The following DENND1B variants were observed in gnomAD, a reference collection of about 807,000 sequenced individuals.
DENND1B encodes DENN domain-containing protein 1B.
A neutral mutation model predicts 90.1 loss-of-function variants in DENND1B; 59 were observed. The ratio of observed to expected loss-of-function variants is 0.65; its 90% confidence interval spans 0.53 to 0.81. DENND1B has a LOEUF of 0.81. Among genes scored for constraint, DENND1B ranks in the 40% least tolerant of loss-of-function variants. The pLI is 0.00. For missense variants in DENND1B, 862 were observed against 912.6 expected (o/e 0.94, Z 0.71); for synonymous variants, 337 against 324.6 (o/e 1.04, Z -0.41).
rs768369179 is a variant in DENND1B, at chr1:197,512,883, T to C, written c.1586A>G (p.Glu529Gly). 1 of 1,610,278 alleles carries C rather than the reference T, an allele frequency of 6.2e-7. No homozygotes were observed. The highest frequency in any genetic ancestry group is 8.5e-7 in the Non-Finnish European group (1 of 1,177,918). The stretch of plus-strand genomic sequence containing the variant: ...ATCCATTACTTACTTGCTTGCTCTT[T>C]CAATGTCATCATCATCTTCATCATC... ...LYDDEDDDDI[E>G]RASKLSSEDG... The change falls in exon 21 of 23, where the codon GAA becomes GGA. Residue 529 changes from glutamate (E) to glycine (G), a missense_variant. Coordinates refer to ENST00000620048, the MANE Select transcript of DENND1B (RefSeq NM_001195215.2).
chr1:197,558,397 C>T (rs1053707352), intron 15 of DENND1B, among the ~76,000 whole-genome samples: 1 of 151,624 alleles, frequency 6.6e-6, no homozygotes, highest in Non-Finnish European at 1.5e-5. Flanking sequence ...CCCTCTAAAT[C>T]ATCAACAATT....
rs554285240 is a variant in DENND1B, at chr1:197,514,632, T to C, written c.1516-1679A>G. On this transcript the variant is annotated intron_variant, in intron 20 of 22. Transcript: ENST00000620048. ...TGAAATAAGATTGGCCATGAGTTGA[T>C]AATTGGTGAAGGCTACATAAATGGT... Among the ~76,000 whole-genome samples, 11 of 151,736 alleles carry C rather than the reference T, an allele frequency of 7.2e-5. No individual in the cohort carries two copies. In the East Asian group the frequency reaches 1.6e-3, roughly 22 times the overall value.
At chr1:197,615,329 A>G (rs1677548742) in intron 11 of DENND1B, among the ~76,000 whole-genome samples, 1 of 151,112 alleles carries the variant, frequency 6.6e-6, no homozygotes, top group Non-Finnish European at 1.5e-5. Flanking sequence ...TGGTGGACCA[A>G]GATGCGATAT....
At chr1:197,746,530 A>G (rs1459128222) in intron 2 of DENND1B, among the ~76,000 whole-genome samples, 2 of 152,206 alleles carry the variant, frequency 1.3e-5, no homozygotes, top group Non-Finnish European at 1.5e-5. Context: ...ATTTTTTCTT[A>G]CATTTCTTAT....
At chr1:197,602,262 C>T (rs866434308) in intron 13 of DENND1B, among the ~76,000 whole-genome samples, 83 of 151,464 alleles carry the variant, frequency 5.5e-4, no homozygotes, top group African/African-American at 1.9e-3. Context: ...TATTTCCTTT[C>T]AGCAATCACT....
chr1:197,568,004 G>GGGAAGGAA (rs539486255), intron 15 of DENND1B, among the ~76,000 whole-genome samples: 2 of 150,756 alleles, frequency 1.3e-5, no homozygotes, highest in African/African-American at 2.4e-5. Flanking sequence ...AGGGGAGGGA[G>GGGAAGGAA]GGAAGGAAGG....
intron 3 of DENND1B, among the ~76,000 whole-genome samples, chr1:197,685,337 G>C (rs1430850985): frequency 6.6e-6 from 1 of 152,156 alleles, no homozygotes; most frequent in African/African-American, 2.4e-5. Flanking sequence ...CTGGTGGTCA[G>C]ATAAAGACAA....
chr1:197,601,537 T>C (rs1047901430), intron 13 of DENND1B, among the ~76,000 whole-genome samples: 1 of 148,204 alleles, frequency 6.7e-6, no homozygotes. Flanking sequence ...AAAAAAAAAA[T>C]ATCTGCAGTA....
Position 197,607,136 on chromosome 1 carries a change from T to A in DENND1B, c.858A>T (p.Leu286Phe). 2.5e-6 allele frequency: 4 copies of A among 1,602,428 alleles called. No homozygotes were observed. Among genetic ancestry groups the A allele is most frequent in the Non-Finnish European group, 3.4e-6 (4 of 1,173,852 alleles). ...ATTCTAATGTGTTTGTATCAACATT[T>A]AACATAACAACATCTTCCAATGATT... ...KNKSLEDVVM[L>F]NVDTNTLESP... The change falls in exon 13 of 23, where the codon TTA becomes TTT. Residue 286 changes from leucine to phenylalanine, a missense_variant. Physicochemically the swap from Leu to Phe is conservative, Grantham distance 22. Coordinates refer to ENST00000620048, the MANE Select transcript of DENND1B (RefSeq NM_001195215.2).
At chr1:197,568,576 A>G (rs1377320213) in intron 15 of DENND1B, among the ~76,000 whole-genome samples, 1 of 152,200 alleles carries the variant, frequency 6.6e-6, no homozygotes, top group African/African-American at 2.4e-5. Flanking sequence ...AGCTGGAGAC[A>G]TCACATTATC....
chr1:197,645,027 T>C (rs1359097122), intron 9 of DENND1B, among the ~76,000 whole-genome samples: 1 of 152,152 alleles, frequency 6.6e-6, no homozygotes, highest in Admixed American at 6.5e-5. Context: ...TATTTGTTAC[T>C]TCTACTTGTC....
chr1:197,651,077 AAAGAT>A (rs1266978663), intron 7 of DENND1B, among the ~76,000 whole-genome samples: 20 of 152,120 alleles, frequency 1.3e-4, no homozygotes, highest in African/African-American at 4.8e-4. Flanking sequence ...AAAATACAAT[AAAGAT>A]AACAACTTCC....
At chr1:197,544,024 A>G (rs1670533633) in intron 18 of DENND1B, among the ~76,000 whole-genome samples, 1 of 152,150 alleles carries the variant, frequency 6.6e-6, no homozygotes. Flanking sequence ...GACCTATTGA[A>G]TTTTAAAAAA....
chr1:197,726,833 T>A (rs1474166418), intron 2 of DENND1B, among the ~76,000 whole-genome samples: 1 of 152,180 alleles, frequency 6.6e-6, no homozygotes. Flanking sequence ...GTTAGAGAAA[T>A]CTAAGGACTT....
intron 6 of DENND1B, among the ~76,000 whole-genome samples, chr1:197,656,826 T>A (rs1268639531): frequency 6.7e-6 from 1 of 150,232 alleles, no homozygotes; most frequent in African/African-American, 2.5e-5. Flanking sequence ...AAAAAAAAAA[T>A]CAAAGATTAA....
intron 15 of DENND1B, among the ~76,000 whole-genome samples, chr1:197,576,654 G>A (rs974744334): frequency 2.0e-5 from 3 of 152,146 alleles, no homozygotes; most frequent in Admixed American, 6.6e-5. Flanking sequence ...TTCCTAAACT[G>A]TGCCTGTCAG....
At chr1:197,665,613 C>G (rs1441091781) in intron 5 of DENND1B, among the ~76,000 whole-genome samples, 2 of 152,050 alleles carry the variant, frequency 1.3e-5, no homozygotes, top group African/African-American at 4.8e-5. Context: ...TCTGCTATTT[C>G]TAATGAAAAT....
At chr1:197,747,125 A>AT in intron 2 of DENND1B, 2 of 769,956 alleles carry the variant, frequency 2.6e-6, no homozygotes, top group Non-Finnish European at 4.7e-6. Flanking sequence ...TCATTCCTCA[A>AT]TTTATCTTTT....
At chr1:197,523,985 A>T (rs1668963514) in intron 20 of DENND1B, among the ~76,000 whole-genome samples, 1 of 152,166 alleles carries the variant, frequency 6.6e-6, no homozygotes, top group South Asian at 2.1e-4. Context: ...AAAAAACTCA[A>T]ATGATGTAAG....
Sources: allele counts gnomAD v4.1 joint callset (sites outside exome capture counted in the v4.1 genomes callset), GRCh38; gene constraint gnomAD v4.1.1; transcripts MANE v1.5; gene names NCBI Gene and HGNC (gene_info 2026-07-23, HGNC 2026-07-21).